ATF7: variants seen among roughly 807,000 people sequenced by gnomAD.
ATF7 encodes activating transcription factor 7.
Under a neutral mutation model 50.4 loss-of-function variants are expected in ATF7, and 10 were observed. The ratio of observed to expected loss-of-function variants is 0.20; its 90% CI spans 0.12 to 0.34. ATF7 has a LOEUF of 0.34. Among genes scored for constraint, ATF7 ranks in the 10% least tolerant of loss-of-function variants. ATF7 has a pLI of 1.00. For synonymous variants in ATF7, 201 were observed against 226.4 expected (o/e 0.89, Z 1.01); for missense variants, 465 against 613.9 (o/e 0.76, Z 2.56).
At chr12:53,539,807 G>T (rs1482526754) in intron 4 of ATF7, among the ~76,000 whole-genome samples, 1 of 152,158 alleles carries the variant, frequency 6.6e-6, no homozygotes, top group East Asian at 1.9e-4. Context: ...GGTGGCTCAC[G>T]CTTGTTATCT....
chr12:53,586,785 A>T (rs993291442), intron 2 of ATF7, among the ~76,000 whole-genome samples: 8 of 152,054 alleles, frequency 5.3e-5, no homozygotes, highest in African/African-American at 1.7e-4. Context: ...TCACTCTCTC[A>T]CACACACACA....
chr12:53,572,958 T>C (rs1251037229), intron 2 of ATF7, among the ~76,000 whole-genome samples: 1 of 151,750 alleles, frequency 6.6e-6, no homozygotes, highest in Non-Finnish European at 1.5e-5. Flanking sequence ...GCTAATTTTG[T>C]GTTTTTAGTA....
chr12:53,544,126 C>G (rs534869320), intron 3 of ATF7, among the ~76,000 whole-genome samples: 5 of 152,298 alleles, frequency 3.3e-5, no homozygotes, highest in African/African-American at 9.6e-5. Context: ...TTCCTGAAAC[C>G]AGGGTATTCG....
At chr12:53,612,840 C>G (rs954738271) in intron 1 of ATF7, among the ~76,000 whole-genome samples, 9 of 152,184 alleles carry the variant, frequency 5.9e-5, no homozygotes, top group African/African-American at 2.2e-4. Flanking sequence ...CCTGTCTCTA[C>G]TAAAAATACA....
chr12:53,526,094 C>T (rs1938438148), intron 9 of ATF7, among the ~76,000 whole-genome samples: 1 of 151,752 alleles, frequency 6.6e-6, no homozygotes, highest in African/African-American at 2.4e-5. Context: ...CCTGTAATCC[C>T]AGCTACTTGG....
intron 1 of ATF7, among the ~76,000 whole-genome samples, chr12:53,609,855 C>T (rs1240028553): frequency 8.4e-6 from 1 of 118,730 alleles, no homozygotes; most frequent in African/African-American, 3.3e-5. Context: ...CTTGCTCTGT[C>T]GCCCAGGCTG....
At chr12:53,534,226 G>A (rs1486718758) in intron 6 of ATF7, among the ~76,000 whole-genome samples, 1 of 152,030 alleles carries the variant, frequency 6.6e-6, no homozygotes, top group African/African-American at 2.4e-5. Flanking sequence ...GCAGTGAGCC[G>A]AGATTGCACC....
chr12:53,597,591 C>T (rs1423015504), intron 2 of ATF7, among the ~76,000 whole-genome samples: 5 of 152,062 alleles, frequency 3.3e-5, no homozygotes, highest in Non-Finnish European at 5.9e-5. Context: ...GGGAGGACCA[C>T]GAGGTCAGGA....
chr12:53,523,850 A>G (rs1331634635), intron 10 of ATF7, among the ~76,000 whole-genome samples: 2 of 152,124 alleles, frequency 1.3e-5, no homozygotes, highest in African/African-American at 4.8e-5. Context: ...TAGATCTCCC[A>G]TATCCATGGC....
intron 2 of ATF7, among the ~76,000 whole-genome samples, chr12:53,595,904 GAGA>G (rs984994251): frequency 5.9e-5 from 9 of 152,278 alleles, no homozygotes; most frequent in African/African-American, 1.7e-4. Context: ...TCTGGGAGAA[GAGA>G]AGAAGATCTG....
At chr12:53,532,741 A>C (rs1219400634) in intron 7 of ATF7, 118 bp from the exon 8 acceptor site, 1 of 703,172 alleles carries the variant, frequency 1.4e-6, no homozygotes, top group East Asian at 2.7e-5. Flanking sequence ...TGTTGTGTGC[A>C]ATGTGCCCAT....
rs187892207 is a variant in ATF7 at position 53,534,360 on chromosome 12, T to C, written c.560+142A>G. 2.0e-4 allele frequency: 245 copies of C among 1,253,674 alleles called. 2 individuals carry two copies. In the African/African-American group the frequency reaches 3.1e-3, roughly 16 times the overall value. The allele number at this position is 1,253,674 out of a possible 1,614,324, so 77.7% of individuals were successfully genotyped here. On this transcript the variant is annotated intron_variant, in intron 6 of 11. Coordinates refer to ENST00000420353, the MANE Select transcript of ATF7 (RefSeq NM_006856.3). ...AAAAAGGTAAAGAAGATTCTGTTTA[T>C]GGGGGAAAAATTTATTTTGAGAGAT...
intron 1 of ATF7, among the ~76,000 whole-genome samples, chr12:53,624,590 T>C (rs1944530937): frequency 6.6e-6 from 1 of 152,210 alleles, no homozygotes; most frequent in South Asian, 2.1e-4. Flanking sequence ...CTTGCAAACT[T>C]TTCTTTAGCT....
chr12:53,592,310 A>C (rs1397470681), intron 2 of ATF7, among the ~76,000 whole-genome samples: 4 of 152,258 alleles, frequency 2.6e-5, no homozygotes, highest in Non-Finnish European at 4.4e-5. Flanking sequence ...AGGCACTGTT[A>C]CAAAGAGATA....
chr12:53,614,806 C>T (rs985410234), intron 1 of ATF7, among the ~76,000 whole-genome samples: 6 of 152,174 alleles, frequency 3.9e-5, no homozygotes, highest in African/African-American at 7.2e-5. Context: ...GTTGGCTGGG[C>T]GTGGTGGCTC....
At chr12:53,528,111 G>A (rs1938588602) in intron 9 of ATF7, among the ~76,000 whole-genome samples, 1 of 151,914 alleles carries the variant, frequency 6.6e-6, no homozygotes, top group South Asian at 2.1e-4. Context: ...AAAGTGCTGG[G>A]ATTACAGATG....
At chr12:53,580,712 C>CA (rs1001998825) in intron 2 of ATF7, among the ~76,000 whole-genome samples, 2 of 147,720 alleles carry the variant, frequency 1.4e-5, no homozygotes, top group African/African-American at 5.0e-5. Flanking sequence ...TACCCTAATC[C>CA]AAAAAAGGTG....
chr12:53,623,261 T>C (rs1489089986), intron 1 of ATF7, among the ~76,000 whole-genome samples: 8 of 152,138 alleles, frequency 5.3e-5, no homozygotes, highest in Non-Finnish European at 8.8e-5. Context: ...CTCTGATGTG[T>C]TTTCACATAT....
intron 11 of ATF7, among the ~76,000 whole-genome samples, chr12:53,520,881 C>T (rs1313993235): frequency 3.3e-5 from 5 of 152,264 alleles, no homozygotes; most frequent in South Asian, 4.1e-4. Flanking sequence ...AGCCTGCTCT[C>T]GTCACTTTCA....
Sources: allele counts gnomAD v4.1 joint callset (sites outside exome capture counted in the v4.1 genomes callset), GRCh38; gene constraint gnomAD v4.1.1; transcripts MANE v1.5; gene names NCBI Gene and HGNC (gene_info 2026-07-23, HGNC 2026-07-21).